PCDH9: variants seen among roughly 807,000 people sequenced by gnomAD.
PCDH9 encodes protocadherin-9.
Under a neutral mutation model 70.6 loss-of-function variants are expected in PCDH9, and 24 were observed. The ratio of observed to expected loss-of-function variants is 0.34; its 90% CI spans 0.25 to 0.48. The LOEUF (loss-of-function observed/expected upper bound fraction) is 0.48. PCDH9 is among the 20% of genes least tolerant of loss of function. The pLI is 0.99. For synonymous variants in PCDH9, 562 were observed against 558.5 expected, an observed-to-expected ratio of 1.01 and a Z score of -0.09; for missense variants, 1,281 against 1,503.6, an observed-to-expected ratio of 0.85 and a Z score of 2.45.
intron 2 of PCDH9, among the ~76,000 whole-genome samples, chr13:66,919,031 C>T (rs2082599921): frequency 6.6e-6 from 1 of 151,238 alleles, no homozygotes; most frequent in Admixed American, 6.6e-5. Context: ...TCCTGTATGT[C>T]TCTGTTCATT....
chr13:66,773,288 T>G (rs980440570), intron 3 of PCDH9, among the ~76,000 whole-genome samples: 1 of 152,226 alleles, frequency 6.6e-6, no homozygotes, highest in Non-Finnish European at 1.5e-5. Flanking sequence ...ATGTAGCTAT[T>G]GAGCGTTTGA....
intron 3 of PCDH9, among the ~76,000 whole-genome samples, chr13:66,892,560 A>G (rs1009210556): frequency 2.6e-5 from 4 of 151,992 alleles, no homozygotes; most frequent in Non-Finnish European, 5.9e-5. Context: ...CAGAAAAATT[A>G]TGTTTATCTT....
intron 4 of PCDH9, among the ~76,000 whole-genome samples, chr13:66,592,926 A>C (rs2077055599): frequency 6.6e-6 from 1 of 151,896 alleles, no homozygotes; most frequent in East Asian, 1.9e-4. Flanking sequence ...TAACATTTTC[A>C]TATAGTTGAT....
intron 4 of PCDH9, among the ~76,000 whole-genome samples, chr13:66,616,104 G>T (rs1447357959): frequency 6.6e-6 from 1 of 152,188 alleles, no homozygotes; most frequent in Non-Finnish European, 1.5e-5. Context: ...TCTCTGTACT[G>T]GGTTCCTGAC....
At chr13:66,915,194 T>A (rs1467891579) in intron 2 of PCDH9, among the ~76,000 whole-genome samples, 12 of 151,642 alleles carry the variant, frequency 7.9e-5, no homozygotes. Flanking sequence ...AAATAATAAA[T>A]AATTCAGGAA....
rs565925914 is a variant in PCDH9 at position 66,713,074 on chromosome 13, A to G, written c.3139-81663T>C. Among the ~76,000 whole-genome samples, 12 of 152,282 alleles carry G rather than the reference A, an allele frequency of 7.9e-5. No individual in the cohort carries two copies. In the South Asian group the frequency reaches 2.3e-3, roughly 29 times the overall value. On this transcript the variant is annotated intron_variant, in intron 3 of 4. Transcript: ENST00000377865. ...ACATTCGTATGTTTTCAAATGGCAC[A>G]TTAATTTTTTAGGCAGCATTACATA... is the stretch of plus-strand genomic sequence containing the variant.
intron 2 of PCDH9, among the ~76,000 whole-genome samples, chr13:67,171,733 G>A (rs1347312111): frequency 6.6e-6 from 1 of 152,136 alleles, no homozygotes; most frequent in African/African-American, 2.4e-5. Context: ...TTGGAGACCT[G>A]TTTGAGGCGA....
intron 4 of PCDH9, among the ~76,000 whole-genome samples, chr13:66,482,870 TAA>T (rs1389939803): frequency 6.6e-6 from 1 of 152,202 alleles, no homozygotes; most frequent in African/African-American, 2.4e-5. Context: ...CAATGTGAAA[TAA>T]GTTTGAAGCT....
At chr13:66,533,843 A>G (rs1462205531) in intron 4 of PCDH9, among the ~76,000 whole-genome samples, 1 of 152,164 alleles carries the variant, frequency 6.6e-6, no homozygotes, top group African/African-American at 2.4e-5. Context: ...CTCCGCAAAC[A>G]TATGGCCCAC....
rs1156361010 is a variant in PCDH9 at position 66,803,690 on chromosome 13, T to TTTTGCA, written c.3138+99813_3138+99814insTGCAAA. ...TTCATTACAATAATGATTCATTTCA[T>TTTTGCA]ATGCATATTGCAAAAAGGTTTAGAG... is the stretch of plus-strand genomic sequence containing the variant. On this transcript the variant is annotated intron_variant, in intron 3 of 4. Transcript: ENST00000377865. Among the ~76,000 whole-genome samples, 283 of 152,334 alleles carry TTTTGCA rather than the reference T, an allele frequency of 1.9e-3. 2 individuals are homozygous for TTTTGCA. Among genetic ancestry groups the TTTTGCA allele is most frequent in the Admixed American group, 2.1e-3 (32 of 15,298 alleles).
At chr13:66,974,854 C>A (rs552242250) in intron 2 of PCDH9, among the ~76,000 whole-genome samples, 2 of 152,016 alleles carry the variant, frequency 1.3e-5, no homozygotes, top group African/African-American at 4.8e-5. Context: ...AGCGACTGAA[C>A]ATGCAGTACG....
At chr13:67,060,652 G>A (rs186984322) in intron 2 of PCDH9, among the ~76,000 whole-genome samples, 3 of 151,808 alleles carry the variant, frequency 2.0e-5, no homozygotes, top group Non-Finnish European at 2.9e-5. Context: ...TTTTAAATCA[G>A]CTTTTTAGCT....
chr13:66,622,763 G>C (rs2077442770), intron 4 of PCDH9, among the ~76,000 whole-genome samples: 4 of 152,170 alleles, frequency 2.6e-5, no homozygotes. Context: ...ATAAAAGCAG[G>C]CTGCCCGGGC....
chr13:66,626,572 G>A (rs116324465), intron 4 of PCDH9, among the ~76,000 whole-genome samples: 1,985 of 152,130 alleles, frequency 0.013, 55 homozygotes, highest in African/African-American at 0.045. Flanking sequence ...TGATGATAAC[G>A]ATCCTCTGGA....
At chr13:66,796,964 C>A (rs1303814361) in intron 3 of PCDH9, among the ~76,000 whole-genome samples, 2 of 151,930 alleles carry the variant, frequency 1.3e-5, no homozygotes, top group Non-Finnish European at 2.9e-5. Context: ...AAATTCTGTG[C>A]AATGATTATA....
At chr13:66,595,296 G>A (rs972166101) in intron 4 of PCDH9, among the ~76,000 whole-genome samples, 8 of 151,652 alleles carry the variant, frequency 5.3e-5, no homozygotes, top group African/African-American at 1.5e-4. Flanking sequence ...GATATGAGTA[G>A]TGTGTTTATC....
At chr13:67,142,021 T>C (rs946451235) in intron 2 of PCDH9, among the ~76,000 whole-genome samples, 4 of 152,082 alleles carry the variant, frequency 2.6e-5, no homozygotes, top group Admixed American at 2.6e-4. Flanking sequence ...ACATATTGGG[T>C]TAGAAAATAC....
intron 2 of PCDH9, among the ~76,000 whole-genome samples, chr13:67,130,650 C>A (rs2138328828): frequency 6.6e-6 from 1 of 152,194 alleles, no homozygotes; most frequent in East Asian, 1.9e-4. Context: ...GATGACATCT[C>A]ACGGGAACAA....
chr13:66,985,573 G>A (rs966202579), intron 2 of PCDH9: 1 of 151,952 alleles, frequency 6.6e-6, no homozygotes, highest in Non-Finnish European at 1.5e-5. Context: ...AAGTTTATGG[G>A]CTATAATTGT....
Sources: allele counts gnomAD v4.1 joint callset (sites outside exome capture counted in the v4.1 genomes callset), GRCh38; gene constraint gnomAD v4.1.1; transcripts MANE v1.5; gene names NCBI Gene and HGNC (gene_info 2026-07-23, HGNC 2026-07-21).